The following NECTIN2 variants were observed in gnomAD, a reference collection of about 807,000 sequenced individuals.
NECTIN2 encodes the protein nectin cell adhesion molecule 2, also known as nectin-2.
A neutral mutation model predicts 56.9 loss-of-function variants in NECTIN2; 23 were observed. The ratio of observed to expected loss-of-function variants is 0.40; its 90% confidence interval spans 0.29 to 0.57. The LOEUF (loss-of-function observed/expected upper bound fraction) is 0.57. Among genes scored for constraint, NECTIN2 ranks in the 20% least tolerant of loss-of-function variants. The pLI, the probability that NECTIN2 is intolerant of heterozygous loss-of-function variation, is 0.38. For missense variants in NECTIN2, 587 were observed against 718.3 expected, an observed-to-expected ratio of 0.82 and a Z score of 2.09; for synonymous variants, 302 against 313.8, an observed-to-expected ratio of 0.96 and a Z score of 0.40.
At position 44,874,253 on chromosome 19, in the gene NECTIN2, G is replaced by A; in HGVS notation, c.894-77G>A. 6.5e-7 allele frequency: 1 copy of A among 1,529,156 alleles called. No homozygotes were observed. Among genetic ancestry groups the A allele is most frequent in the South Asian group, 1.1e-5 (1 of 88,512 alleles). 94.7% of individuals were successfully genotyped at this position (1,529,156 alleles called of 1,614,324 possible). On this transcript the variant is annotated intron_variant, in intron 4 of 8. Coordinates refer to ENST00000252483, the MANE Select transcript of NECTIN2 (RefSeq NM_001042724.2). The surrounding 1 kb of genome is among the most constrained non-coding windows in gnomAD (Gnocchi z 6.3). ...GGTCCCTGGAGCTTGGCTCCTGGTG[G>A]GTGTATCTTTAGGGATGAGGCCTGT...
intron 1 of NECTIN2, among the ~76,000 whole-genome samples, chr19:44,859,407 G>C (rs1969006216): frequency 6.6e-6 from 1 of 152,190 alleles, no homozygotes; most frequent in African/African-American, 2.4e-5. Flanking sequence ...GAGAGGTTAA[G>C]TGGCCTGCAC....
In NECTIN2 at chr19:44,874,825, A is replaced by G; in HGVS notation, c.1042+347A>G. ...ACGCACACCTAGAGTCAGGCATGCA[A>G]ACTTCAAAGAGACAGAAACCAAGAG... On this transcript the variant is annotated intron_variant, in intron 5 of 8. Transcript: ENST00000252483. The surrounding 1 kb of genome is among the most constrained non-coding windows in gnomAD (Gnocchi z 6.3). The G allele has an allele frequency of 4.5e-6, 1 of 220,142 alleles. No homozygotes were observed. Among genetic ancestry groups the G allele is most frequent in the South Asian group, 8.3e-5 (1 of 11,988 alleles). The allele number at this position is 220,142 out of a possible 1,614,324, so 13.6% of individuals were successfully genotyped here.
intron 1 of NECTIN2, among the ~76,000 whole-genome samples, chr19:44,856,254 G>A (rs567791985): frequency 3.3e-4 from 51 of 152,272 alleles, no homozygotes; most frequent in African/African-American, 9.9e-4. Flanking sequence ...CCAAGATGGC[G>A]CCACTACACT....
chr19:44,885,587 C>T (rs1969352272), intron 6 of NECTIN2, among the ~76,000 whole-genome samples: 2 of 152,194 alleles, frequency 1.3e-5, no homozygotes, highest in African/African-American at 4.8e-5. Context: ...GCTGGGATTA[C>T]AGGCGTGAGC....
At chr19:44,884,964 C>A (rs1969343617) in intron 6 of NECTIN2, among the ~76,000 whole-genome samples, 1 of 152,110 alleles carries the variant, frequency 6.6e-6, no homozygotes, top group Non-Finnish European at 1.5e-5. Context: ...TGCTGACGAC[C>A]CAGATCTTTC....
At chr19:44,886,364 T>C (rs1969361624) in intron 8 of NECTIN2, 145 bp downstream of exon 8, 1 of 633,234 alleles carries the variant, frequency 1.6e-6, no homozygotes, top group Admixed American at 2.9e-5. Flanking sequence ...CATTGAGATG[T>C]GTTCAGGATT....
rs909081470 is a variant in NECTIN2, at chr19:44,872,227, C to G, written c.775+78C>G. 3.3e-6 allele frequency: 5 copies of G among 1,505,172 alleles called. No homozygotes were observed. The East Asian group carries it at 1.1e-4, about 34-fold the overall frequency. The allele number at this position is 1,505,172 out of a possible 1,614,324, so 93.2% of individuals were successfully genotyped here. On this transcript the variant is annotated intron_variant, in intron 3 of 8. Coordinates refer to ENST00000252483, the MANE Select transcript of NECTIN2 (RefSeq NM_001042724.2). ...CTCTAAAGCACTGTCTACATTGTCT[C>G]TGAATGTTGTCTACGTGGGTTCCCT...
chr19:44,882,263 C>A lies in NECTIN2; in HGVS notation c.1095C>A (p.Ile365=). Residue 365 remains isoleucine, a synonymous_variant, in exon 6 of 9, where the codon ATC becomes ATA. Transcript: ENST00000252483. ...CCACAGGCGGCATCATCGGGGGCATCATCGCCGCCATCATTGCTACTGCTG... is the reference window on the plus strand; with the variant it reads ...CCACAGGCGGCATCATCGGGGGCATAATCGCCGCCATCATTGCTACTGCTG... ...AGATGGIIGG[I]IAAIIATAVA... is the part of the protein sequence containing the mutation. The A allele has an allele frequency of 6.4e-7, 1 of 1,555,412 alleles. No individual in the cohort carries two copies. The highest frequency in any genetic ancestry group is 2.5e-5 in the East Asian group (1 of 40,166).
Position 44,865,740 on chromosome 19 carries a change from T to G in NECTIN2, c.478+80T>G. ...ATCCCCTTGCGGGTCAGTTTCTCTC[T>G]TGGCTTCAGCTGTGAGGTTCACATT... On this transcript the variant is annotated intron_variant, in intron 2 of 8. Transcript: ENST00000252483. This position sits in a 1 kb window ranked among gnomAD's most constrained non-coding sequence, Gnocchi z 5.2. The G allele has an allele frequency of 7.2e-7, 1 of 1,397,736 alleles. No individual in the cohort carries two copies. The highest frequency in any genetic ancestry group is 9.4e-7 in the Non-Finnish European group (1 of 1,061,044). The allele number at this position is 1,397,736 out of a possible 1,614,324, so 86.6% of individuals were successfully genotyped here.
Position 44,872,673 on chromosome 19 carries a change from C to T in NECTIN2, c.775+524C>T, listed in dbSNP as rs372616190. ...TGTCTACATGTCTACACTGCCCAAC[C>T]TAACATCGTCTCCACACCTTCCCAT... On this transcript the variant is annotated intron_variant, in intron 3 of 8. Transcript: ENST00000252483. 2.7e-4 allele frequency among the ~76,000 whole-genome samples: 41 copies of T among 152,074 alleles called. 1 individual carries two copies. The East Asian group carries it at 6.2e-3, about 23-fold the overall frequency.
intron 1 of NECTIN2, among the ~76,000 whole-genome samples, chr19:44,858,071 G>A (rs1187456068): frequency 1.3e-5 from 2 of 152,292 alleles, no homozygotes; most frequent in African/African-American, 4.8e-5. Context: ...TGGAGGAGGC[G>A]TGTGACCGAA....
At position 44,882,300 on chromosome 19, in the gene NECTIN2, G is replaced by A; in HGVS notation, c.1132G>A (p.Gly378Ser). ...CATTGCTACTGCTGTGGCTGCCACG[G>A]GCATCCTTATCTGCCGGCAGCAGCG... ...AIIATAVAAT[G>S]ILICRQQRKE... The change falls in exon 6 of 9, where the codon GGC becomes AGC. Residue 378 changes from glycine to serine, a missense_variant. Transcript: ENST00000252483. 6.4e-7 allele frequency: 1 copy of A among 1,562,194 alleles called. No homozygotes were observed. Among genetic ancestry groups the A allele is most frequent in the Middle Eastern group, 1.8e-4 (1 of 5,578 alleles).
At chr19:44,855,662 C>A (rs372850608) in intron 1 of NECTIN2, among the ~76,000 whole-genome samples, 36 of 152,264 alleles carry the variant, frequency 2.4e-4, no homozygotes, top group African/African-American at 8.2e-4. Context: ...AATATTTGTA[C>A]CCCCTGCAAT....
rs1011341346 is a variant in NECTIN2 at position 44,875,343 on chromosome 19, G to A, written c.1042+865G>A. 1.3e-5 allele frequency among the ~76,000 whole-genome samples: 2 copies of A among 150,528 alleles called. No individual in the cohort carries two copies. Among genetic ancestry groups the A allele is most frequent in the African/African-American group, 2.5e-5 (1 of 40,764 alleles). ...TGTAGTGGCGCAATCTCAGCTCACC[G>A]CAACCTCCGCCTCCCGGGTTCAAGC... is the stretch of plus-strand genomic sequence containing the variant. On this transcript the variant is annotated intron_variant, in intron 5 of 8. Transcript: ENST00000252483. The surrounding 1 kb of genome is among the most constrained non-coding windows in gnomAD (Gnocchi z 4.2).
intron 1 of NECTIN2, among the ~76,000 whole-genome samples, chr19:44,846,824 C>T (rs996719442): frequency 2.6e-5 from 4 of 151,642 alleles, no homozygotes; most frequent in African/African-American, 9.7e-5. Context: ...ATCTCTCTCA[C>T]CACCACCCCC....
chr19:44,888,093 CCTCT>C lies in NECTIN2; in HGVS notation c.1348-12_1348-9del. On this transcript the variant is annotated splice_polypyrimidine_tract_variant and intron_variant, in intron 8 of 8. Transcript: ENST00000252483. ...GTAGGAAGTGATCTTGAGTTCCTGT[CCTCT>C]CTCTACCTCCAGGAAATGCCTCGAT... The C allele has an allele frequency of 1.2e-6, 2 of 1,605,424 alleles. No individual in the cohort carries two copies. Among genetic ancestry groups the C allele is most frequent in the South Asian group, 1.1e-5 (1 of 90,760 alleles).
intron 8 of NECTIN2, among the ~76,000 whole-genome samples, chr19:44,887,425 CT>C (rs1969372960): frequency 6.6e-6 from 1 of 152,068 alleles, no homozygotes; most frequent in Non-Finnish European, 1.5e-5. Flanking sequence ...GGTGGATCAC[CT>C]GAGGTCAGGA....
intron 1 of NECTIN2, among the ~76,000 whole-genome samples, chr19:44,862,709 A>G (rs1157870347): frequency 2.0e-5 from 3 of 152,086 alleles, no homozygotes; most frequent in Non-Finnish European, 4.4e-5. Flanking sequence ...GAAACAGGTG[A>G]GGGTTGAAAA....
intron 1 of NECTIN2, among the ~76,000 whole-genome samples, chr19:44,857,191 G>C (rs185271907): frequency 1.5e-4 from 22 of 151,096 alleles, no homozygotes; most frequent in Middle Eastern, 3.5e-3. Context: ...GTGGATTCAA[G>C]TTGCCCCAAA....
Sources: allele counts gnomAD v4.1 joint callset (sites outside exome capture counted in the v4.1 genomes callset), GRCh38; gene constraint gnomAD v4.1.1; non-coding constraint Gnocchi (gnomAD v3.1); transcripts MANE v1.5; gene names NCBI Gene and HGNC (gene_info 2026-07-23, HGNC 2026-07-21).